CIROP: variants seen among roughly 807,000 people sequenced by gnomAD.
The protein encoded by CIROP is leishmanolysin homolog.
At chr14:23,101,771 T>C in the CIROP span, 1 of 702,882 alleles carries the variant, frequency 1.4e-6, no homozygotes, top group Non-Finnish European at 2.6e-6. Flanking sequence ...GCCCACTGTG[T>C]GGAATGGATG....
At chr14:23,102,365 C>T in the CIROP span, 3 of 702,498 alleles carry the variant, frequency 4.3e-6, no homozygotes, top group Admixed American at 2.0e-5. Context: ...AGGGAACACC[C>T]AGGGAAGCCC....
the CIROP span, chr14:23,103,686 A>G: frequency 4.3e-6 from 3 of 702,636 alleles, no homozygotes; most frequent in Admixed American, 2.0e-5. Context: ...TCTTGGTGGC[A>G]CTTGGAAGTG....
chr14:23,102,798 T>A, the CIROP span: 17 of 690,660 alleles, frequency 2.5e-5, no homozygotes, highest in South Asian at 2.4e-4. Context: ...CCCAATCAGC[T>A]CTTCCTAGAG....
chr14:23,103,567 T>TAAAAC, the CIROP span: 331,402 of 594,126 alleles, frequency 0.56, 94,463 homozygotes, highest in Admixed American at 0.62. Context: ...AAAAGCAAAA[T>TAAAAC]AAAACAAAAC....
At chr14:23,099,802 A>G in the CIROP span, 14 of 209,398 alleles carry the variant, frequency 6.7e-5, no homozygotes, top group Admixed American at 4.2e-4. Flanking sequence ...ACAGGAAATC[A>G]TTAAGAGGGA....
the CIROP span, chr14:23,103,908 C>A: frequency 1.6e-6 from 1 of 636,742 alleles, no homozygotes; most frequent in South Asian, 1.7e-5. Context: ...TCTCTTTGGT[C>A]TGTCTTTGTG....
At chr14:23,102,006 G>A in the CIROP span, 9 of 700,748 alleles carry the variant, frequency 1.3e-5, no homozygotes. Flanking sequence ...TTATACATCA[G>A]CAACAGACAC....
the CIROP span, chr14:23,104,604 A>G: frequency 1.4e-6 from 1 of 701,560 alleles, no homozygotes; most frequent in East Asian, 2.7e-5. Context: ...CTCACCTGCT[A>G]GAACAGCCTG....
the CIROP span, chr14:23,103,964 A>C: frequency 1.7e-6 from 1 of 591,494 alleles, no homozygotes. Context: ...CTTCACCCCC[A>C]GTCTCTGATT....
the CIROP span, chr14:23,100,400 AC>A: frequency 1.2e-5 from 5 of 412,428 alleles, no homozygotes; most frequent in South Asian, 5.7e-4. Context: ...CTGAAACGCA[AC>A]CCTGTCTAGG....
chr14:23,103,943 G>C, the CIROP span: 1 of 599,752 alleles, frequency 1.7e-6, no homozygotes, highest in Non-Finnish European at 3.0e-6. Context: ...GGCTAGAATA[G>C]AGTTCTGCCC....
chr14:23,104,538 C>T, the CIROP span: 1 of 702,446 alleles, frequency 1.4e-6, no homozygotes. Flanking sequence ...CTGGGCTGAT[C>T]TTCCTCCCCT....
the CIROP span, chr14:23,100,459 C>G: frequency 4.8e-6 from 2 of 413,270 alleles, no homozygotes; most frequent in Non-Finnish European, 8.8e-6. Flanking sequence ...TTCAAACATC[C>G]GGACTCCATG....
the CIROP span, chr14:23,104,375 G>A: frequency 1.3e-5 from 9 of 702,678 alleles, no homozygotes; most frequent in South Asian, 8.9e-5. Flanking sequence ...TGTCAACGAC[G>A]TGAACTCACC....
chr14:23,101,149 A>G, the CIROP span: 2 of 402,668 alleles, frequency 5.0e-6, no homozygotes, highest in Middle Eastern at 6.3e-4. Context: ...AGGAAAATGT[A>G]TATTCTAGAT....
chr14:23,102,794 C>A, the CIROP span: 1 of 693,274 alleles, frequency 1.4e-6, no homozygotes. Flanking sequence ...TCTGCCCAAT[C>A]AGCTCTTCCT....
At chr14:23,101,119 C>A in the CIROP span, 1 of 401,846 alleles carries the variant, frequency 2.5e-6, no homozygotes, top group East Asian at 3.6e-5. Context: ...TTTGCCTTAC[C>A]TGTTCAAGTC....
At chr14:23,101,798 A>G in the CIROP span, 1 of 702,838 alleles carries the variant, frequency 1.4e-6, no homozygotes, top group South Asian at 1.5e-5. Flanking sequence ...TGACACTAGA[A>G]TCACTGGCAG....
chr14:23,104,178 C>A, the CIROP span: 1 of 600,718 alleles, frequency 1.7e-6, no homozygotes, highest in Non-Finnish European at 3.0e-6. Flanking sequence ...TCTTTACTAT[C>A]TCTCTGCGTA....
Sources: gnomAD v4.1 joint callset for allele counts on GRCh38, gnomAD v4.1.1 for gene constraint, MANE v1.5 for transcripts, NCBI Gene and HGNC (gene_info 2026-07-23, HGNC 2026-07-21) for gene names.